Variants in CDH8 observed in about 807,000 individuals in gnomAD.
The protein encoded by CDH8 is cadherin-8.
In CDH8, 17 loss-of-function variants were observed where a neutral mutation model predicts 68.1. The ratio of observed to expected loss-of-function variants is 0.25; its 90% CI spans 0.17 to 0.37. The LOEUF (loss-of-function observed/expected upper bound fraction) is 0.37. CDH8 is among the 10% of genes least tolerant of loss of function. The probability of loss-of-function intolerance (pLI) is 1.00; values close to 1 mark genes in which losing one functional copy is unlikely to be tolerated. For missense variants in CDH8, 763 were observed against 999.3 expected, an observed-to-expected ratio of 0.76 and a Z score of 3.19; for synonymous variants, 372 against 365.1, an observed-to-expected ratio of 1.02 and a Z score of -0.21.
intron 8 of CDH8, among the ~76,000 whole-genome samples, chr16:61,751,372 A>G (rs1960153194): frequency 8.5e-6 from 1 of 117,908 alleles, no homozygotes; most frequent in African/African-American, 3.3e-5. Context: ...ATGTCCTTCC[A>G]TATTCTCCTT....
At chr16:61,833,678 A>C (rs1372263883) in intron 4 of CDH8, among the ~76,000 whole-genome samples, 4 of 151,878 alleles carry the variant, frequency 2.6e-5, no homozygotes, top group Non-Finnish European at 5.9e-5. Context: ...TTGATTTTCC[A>C]AGCACTTTCC....
At chr16:61,780,207 T>C (rs1490920757) in intron 8 of CDH8, among the ~76,000 whole-genome samples, 3 of 152,216 alleles carry the variant, frequency 2.0e-5, no homozygotes, top group Admixed American at 2.0e-4. Context: ...TCATGGTAAA[T>C]AGCAGCCATG....
chr16:61,653,647 G>A lies in CDH8; in HGVS notation c.2361C>T (p.Gly787=), dbSNP rs200638903. The A allele has an allele frequency of 1.1e-5, 18 of 1,613,446 alleles. No individual in the cohort carries two copies. Among genetic ancestry groups the A allele is most frequent in the East Asian group, 1.1e-4 (5 of 44,876 alleles). ...CACTTTCACCAACAGAGTAGAGTTCGCCCAGTCTCTTAAAGCGGGGACCCC... is the reference window on the plus strand; with the variant it reads ...CACTTTCACCAACAGAGTAGAGTTCACCCAGTCTCTTAAAGCGGGGACCCC... ...SDWGPRFKRL[G]ELYSVGESDK... is the part of the protein sequence containing the mutation. The change falls in exon 12 of 12, where the codon GGC becomes GGT. Residue 787 remains glycine, a synonymous_variant. Transcript: ENST00000577390.
At position 61,741,309 on chromosome 16, in the gene CDH8, C is replaced by T. The variant is rs376251734; in HGVS notation, c.1415-14094G>A. Among the ~76,000 whole-genome samples, 14 of 152,088 alleles carry T rather than the reference C, an allele frequency of 9.2e-5. No homozygotes were observed. In the East Asian group the frequency reaches 1.7e-3, roughly 19 times the overall value. On this transcript the variant is annotated intron_variant, in intron 8 of 11. Coordinates refer to ENST00000577390, the MANE Select transcript of CDH8 (RefSeq NM_001796.5). Reference sequence around the variant, plus strand: ...TGAGTCCTTTAGTAGATATATGTACCACAATTCCTTCTTCTGCCCAATGGC... The same window carrying T: ...TGAGTCCTTTAGTAGATATATGTACTACAATTCCTTCTTCTGCCCAATGGC...
At chr16:61,960,331 A>ATACACACATATATACATGTGTGTGTG (rs1965122405) in intron 2 of CDH8, among the ~76,000 whole-genome samples, 1 of 80,096 alleles carries the variant, frequency 1.2e-5, no homozygotes, top group Admixed American at 1.2e-4. Flanking sequence ...GTGTGTGTGT[A>ATACACACATATATACATGTGTGTGTG]TACACACATA....
intron 2 of CDH8, among the ~76,000 whole-genome samples, chr16:61,902,276 G>T (rs1963987905): frequency 1.3e-5 from 2 of 152,056 alleles, no homozygotes; most frequent in Admixed American, 6.5e-5. Context: ...CTGAATTTGT[G>T]TGTCAGGCAA....
At chr16:61,810,219 C>T (rs1961908134) in intron 7 of CDH8, among the ~76,000 whole-genome samples, 1 of 152,138 alleles carries the variant, frequency 6.6e-6, no homozygotes, top group South Asian at 2.1e-4. Flanking sequence ...TTCACTCTAG[C>T]TTTTGTTATT....
chr16:62,027,908 C>T (rs973114283), intron 1 of CDH8, among the ~76,000 whole-genome samples: 1 of 152,120 alleles, frequency 6.6e-6, no homozygotes, highest in African/African-American at 2.4e-5. Flanking sequence ...CACACACATA[C>T]ACGTGCACAT....
At chr16:61,937,472 G>A (rs1183292504) in intron 2 of CDH8, among the ~76,000 whole-genome samples, 4 of 152,122 alleles carry the variant, frequency 2.6e-5, no homozygotes, top group Non-Finnish European at 5.9e-5. Context: ...CCGGACATCA[G>A]CAATCAAAGA....
chr16:61,665,948 G>T (rs1437840519), intron 10 of CDH8, among the ~76,000 whole-genome samples: 1 of 150,824 alleles, frequency 6.6e-6, no homozygotes, highest in Non-Finnish European at 1.5e-5. Context: ...GTTACTCACA[G>T]TCAGCCATAG....
intron 2 of CDH8, among the ~76,000 whole-genome samples, chr16:61,928,349 G>A (rs1283569196): frequency 6.6e-6 from 1 of 152,198 alleles, no homozygotes; most frequent in Non-Finnish European, 1.5e-5. Context: ...ATTACATAAT[G>A]TTGCATATTA....
At chr16:61,940,396 A>ATTTTTTTTTTTTTTTTTTTTT (rs1597078843) in intron 2 of CDH8, 2 of 121,042 alleles carry the variant, frequency 1.7e-5, no homozygotes, top group Admixed American at 8.6e-5. Flanking sequence ...GAACTACTTG[A>ATTTTTTTTTTTTTTTTTTTTT]TCTTTTTTTT....
At chr16:61,901,150 T>C (rs748234497) in intron 3 of CDH8, 29 bp downstream of exon 3, 10 of 1,589,888 alleles carry the variant, frequency 6.3e-6, no homozygotes, top group African/African-American at 2.7e-5. Context: ...TGACTTTTAA[T>C]AGATCTGTGA....
intron 10 of CDH8, among the ~76,000 whole-genome samples, chr16:61,674,970 G>A (rs115088656): frequency 4.0e-5 from 6 of 150,348 alleles, no homozygotes; most frequent in African/African-American, 1.2e-4. Flanking sequence ...AAAAAACTAT[G>A]AGACAATACC....
At position 61,650,538 on chromosome 16, in the gene CDH8, C is replaced by T. The variant is rs1456232410; in HGVS notation, c.*3070G>A. The T allele has an allele frequency of 6.6e-6, 1 of 152,026 alleles. No homozygotes were observed. The allele number at this position is 152,026 out of a possible 1,614,324, so 9.4% of individuals were successfully genotyped here. A position where few individuals can be genotyped will look rare whatever the true frequency, so the allele number is the denominator to read the frequency against. ...AAAGTTTTTAAAATGTGTTATTTAACAAATTGAGCATGGGATACTTAAATC... is the reference window on the plus strand; with the variant it reads ...AAAGTTTTTAAAATGTGTTATTTAATAAATTGAGCATGGGATACTTAAATC... On this transcript the variant is annotated 3_prime_UTR_variant, in exon 12 of 12. Transcript: ENST00000577390.
intron 2 of CDH8, among the ~76,000 whole-genome samples, chr16:61,949,427 CT>C (rs1279184013): frequency 1.2e-4 from 18 of 152,232 alleles, no homozygotes; most frequent in Middle Eastern, 3.4e-3. Context: ...AGAATAAAAG[CT>C]GGCCACCCCA....
chr16:61,972,574 GTGTGTGT>G (rs1965359167), intron 2 of CDH8, among the ~76,000 whole-genome samples: 7 of 107,300 alleles, frequency 6.5e-5, no homozygotes, highest in Middle Eastern at 4.0e-3. Context: ...CATTGTGGGT[GTGTGTGT>G]GTGTGTGTGT....
At chr16:61,831,121 T>G (rs2143004143) in intron 4 of CDH8, among the ~76,000 whole-genome samples, 1 of 151,880 alleles carries the variant, frequency 6.6e-6, no homozygotes, top group South Asian at 2.1e-4. Context: ...TAGCTTAAGT[T>G]GCATAGTAGT....
intron 2 of CDH8, among the ~76,000 whole-genome samples, chr16:61,971,845 A>T (rs1170659455): frequency 1.3e-5 from 2 of 152,236 alleles, no homozygotes; most frequent in Non-Finnish European, 2.9e-5. Flanking sequence ...GTATGCCAGG[A>T]AATGAGGATG....
Sources: allele counts gnomAD v4.1 joint callset (sites outside exome capture counted in the v4.1 genomes callset), GRCh38; gene constraint gnomAD v4.1.1; transcripts MANE v1.5; gene names NCBI Gene and HGNC (gene_info 2026-07-23, HGNC 2026-07-21).